Variants in PRR5 observed in about 807,000 individuals in gnomAD.
The protein encoded by PRR5 is proline-rich protein 5.
A neutral mutation model predicts 30.6 loss-of-function variants in PRR5; 25 were observed. The observed-to-expected ratio is 0.82, with a 90% CI of 0.60 to 1.14. PRR5 has a LOEUF of 1.14. Among genes scored for constraint, PRR5 ranks in the 50% most tolerant of loss-of-function variants. The pLI is 0.00. For synonymous variants in PRR5, 286 were observed against 247.1 expected (o/e 1.16, Z -1.48); for missense variants, 600 against 547.1 (o/e 1.10, Z -0.96).
chr22:44,733,053 C>T (rs966754265), intron 6 of PRR5, among the ~76,000 whole-genome samples: 15 of 152,378 alleles, frequency 9.8e-5, no homozygotes, highest in Non-Finnish European at 2.1e-4. Flanking sequence ...CTTGCATGCA[C>T]GCACACATAC....
Position 44,735,083 on chromosome 22 carries a change from C to A in PRR5, c.612C>A (p.Val204=). The A allele has an allele frequency of 6.2e-7, 1 of 1,611,788 alleles. No homozygotes were observed. Among genetic ancestry groups the A allele is most frequent in the Non-Finnish European group, 8.5e-7 (1 of 1,178,666 alleles). ...TEDYLRLETL[V]QKVVSPYLGT... is the part of the protein sequence containing the mutation. ...ACTACCTGCGCCTGGAGACGCTGGT[C>A]CAGAAGGTGGTGTCGCCATACCTGG... is the stretch of plus-strand genomic sequence containing the variant. The change falls in exon 7 of 8, where the codon GTC becomes GTA. Residue 204 remains valine, a synonymous_variant. Transcript: ENST00000336985.
At chr22:44,728,955 CTGGACCG>C (rs1203281439) in intron 4 of PRR5, among the ~76,000 whole-genome samples, 13 of 152,200 alleles carry the variant, frequency 8.5e-5, no homozygotes, top group Non-Finnish European at 1.8e-4. Flanking sequence ...GGGAGGAAGA[CTGGACCG>C]CGGCCGGGGT....
At chr22:44,694,214 C>T (rs1925546701) in intron 1 of PRR5, among the ~76,000 whole-genome samples, 1 of 152,056 alleles carries the variant, frequency 6.6e-6, no homozygotes, top group African/African-American at 2.4e-5. Flanking sequence ...CCCCTGCCTC[C>T]ACACTCTACT....
rs773456497 is a variant in PRR5 at position 44,713,287 on chromosome 22, GGGAGAGCTCTA to G, written c.135-1299_135-1289del. Among the ~76,000 whole-genome samples, 7 of 152,320 alleles carry G rather than the reference GGGAGAGCTCTA, an allele frequency of 4.6e-5. 1 individual carries two copies. The highest frequency in any genetic ancestry group is 3.3e-4 in the Admixed American group (5 of 15,304). Reference sequence around the variant, plus strand: ...TCCAGGCAAGCCAGGAAGGGGTACGGGGAGAGCTCTAGGAGGTAGAAATGGGCTAGACTTCC... The same window carrying G: ...TCCAGGCAAGCCAGGAAGGGGTACGGGGAGGTAGAAATGGGCTAGACTTCC... On this transcript the variant is annotated intron_variant, in intron 1 of 7. Transcript: ENST00000336985.
At chr22:44,728,656 A>C (rs1158959390) in intron 4 of PRR5, among the ~76,000 whole-genome samples, 2 of 151,992 alleles carry the variant, frequency 1.3e-5, no homozygotes, top group East Asian at 1.9e-4. Flanking sequence ...GGACATAGCC[A>C]CCTCCACATC....
intron 2 of PRR5, among the ~76,000 whole-genome samples, chr22:44,718,037 G>A (rs1291571699): frequency 2.0e-5 from 3 of 151,984 alleles, no homozygotes; most frequent in Non-Finnish European, 2.9e-5. Flanking sequence ...TTCTTTTCAT[G>A]CCATATCATA....
chr22:44,717,314 C>A (rs781025512), intron 2 of PRR5, among the ~76,000 whole-genome samples: 2 of 151,324 alleles, frequency 1.3e-5, no homozygotes, highest in Non-Finnish European at 2.9e-5. Flanking sequence ...GCCTCGGCCT[C>A]CTGAGTAGCT....
intron 2 of PRR5, among the ~76,000 whole-genome samples, chr22:44,720,486 G>A (rs879755534): frequency 4.6e-5 from 7 of 152,126 alleles, no homozygotes; most frequent in Admixed American, 1.3e-4. Context: ...GTTGGTGTGC[G>A]ACCCCTCCTC....
At chr22:44,698,298 G>T (rs6007250), upstream of PRR5, among the ~76,000 whole-genome samples, 1,319 of 151,006 alleles carry the variant, frequency 8.7e-3, 13 homozygotes, top group South Asian at 0.023. Context: ...GTGGCTTTGG[G>T]GATGTGTGAA....
At chr22:44,735,913 GC>G (rs1923148196) in intron 7 of PRR5, among the ~76,000 whole-genome samples, 1 of 152,212 alleles carries the variant, frequency 6.6e-6, no homozygotes. Flanking sequence ...AGAACTTTGA[GC>G]CACCCAGGCT....
chr22:44,735,952 A>T (rs1426321037), intron 7 of PRR5, among the ~76,000 whole-genome samples: 1 of 152,194 alleles, frequency 6.6e-6, no homozygotes, highest in African/African-American at 2.4e-5. Flanking sequence ...GCAGGACCCC[A>T]GCCCCTGCCT....
intron 1 of PRR5, among the ~76,000 whole-genome samples, chr22:44,683,128 G>A (rs1601953262): frequency 2.0e-5 from 3 of 152,312 alleles, no homozygotes; most frequent in African/African-American, 4.8e-5. Context: ...GTTTCAAGGA[G>A]GCCCCTGGGT....
At chr22:44,701,877 G>A (rs183373091), upstream of PRR5, among the ~76,000 whole-genome samples, 346 of 152,272 alleles carry the variant, frequency 2.3e-3, 4 homozygotes, top group East Asian at 0.011. Context: ...GGAGACCTCC[G>A]GGGCCGGGGT....
chr22:44,737,007 C>G lies in PRR5; in HGVS notation c.927C>G (p.Ser309=). The G allele has an allele frequency of 1.2e-6, 2 of 1,600,048 alleles. No homozygotes were observed. The highest frequency in any genetic ancestry group is 1.7e-6 in the Non-Finnish European group (2 of 1,173,330). The change falls in exon 8 of 8, where the codon TCC becomes TCG. Residue 309 remains serine (S), a synonymous_variant. Transcript: ENST00000336985. The stretch of plus-strand genomic sequence containing the variant: ...AGGGCCCCACCGGGACCTTCAGGTC[C>G]TCCCCGGCGCCCCACTCAGGGCCCT... ...PGQGPTGTFR[S]SPAPHSGPCP...
chr22:44,680,659 G>T (rs940089204), intron 1 of PRR5, among the ~76,000 whole-genome samples: 3 of 152,218 alleles, frequency 2.0e-5, no homozygotes, highest in African/African-American at 7.2e-5. Context: ...CAGCAGGTGG[G>T]CTGGGACGTC....
At chr22:44,735,954 C>G (rs917334702) in intron 7 of PRR5, among the ~76,000 whole-genome samples, 1 of 152,090 alleles carries the variant, frequency 6.6e-6, no homozygotes, top group African/African-American at 2.4e-5. Context: ...AGGACCCCAG[C>G]CCCTGCCTGA....
chr22:44,715,095 C>T (rs1569093270), intron 2 of PRR5, among the ~76,000 whole-genome samples: 1 of 152,236 alleles, frequency 6.6e-6, no homozygotes, highest in Non-Finnish European at 1.5e-5. Flanking sequence ...AATTCCAGCC[C>T]TGCCAAACAC....
intron 1 of PRR5, among the ~76,000 whole-genome samples, chr22:44,678,131 C>G (rs1923927918): frequency 6.6e-6 from 1 of 152,142 alleles, no homozygotes; most frequent in South Asian, 2.1e-4. Context: ...TGATGGGAAC[C>G]CTGTGGATGG....
At position 44,736,807 on chromosome 22, in the gene PRR5, G is replaced by C. The variant is rs36082900; in HGVS notation, c.727G>C (p.Val243Leu). Residue 243 changes from valine (V) to leucine (L), a missense_variant, in exon 8 of 8, where the codon GTG (valine) becomes CTG (leucine). Coordinates refer to ENST00000336985, the MANE Select transcript of PRR5 (RefSeq NM_181333.4). The part of the protein sequence containing the change: ...RLLRRSRSGD[V>L]LAKNPVVRSK... The stretch of plus-strand genomic sequence containing the variant: ...CCTCCGCCGCTCCCGCTCGGGGGAC[G>C]TGCTGGCCAAGAACCCTGTGGTGCG... 1 of 1,574,666 alleles carries C rather than the reference G, an allele frequency of 6.4e-7. No homozygotes were observed.
Sources: allele counts gnomAD v4.1 joint callset (sites outside exome capture counted in the v4.1 genomes callset), GRCh38; gene constraint gnomAD v4.1.1; transcripts MANE v1.5; gene names NCBI Gene and HGNC (gene_info 2026-07-23, HGNC 2026-07-21).